Variants in PTPN12 observed in about 807,000 individuals in gnomAD.
The protein encoded by PTPN12 is tyrosine-protein phosphatase non-receptor type 12.
Under a neutral mutation model 97.6 loss-of-function variants are expected in PTPN12, and 29 were observed. That is an observed-to-expected ratio of 0.30 (90% CI 0.22 to 0.41). The LOEUF is 0.41. Ranked by LOEUF, PTPN12 falls within the 10% of genes least tolerant of loss-of-function variation. PTPN12 has a pLI of 1.00. For synonymous variants in PTPN12, 327 were observed against 300.4 expected (o/e 1.09, Z -0.91); for missense variants, 819 against 926.0 (o/e 0.88, Z 1.50).
At chr7:77,574,818 A>G (rs1262874134) in intron 2 of PTPN12, among the ~76,000 whole-genome samples, 1 of 151,762 alleles carries the variant, frequency 6.6e-6, no homozygotes, top group Non-Finnish European at 1.5e-5. Context: ...ATTTCTAGTT[A>G]TTTTGACTTG....
chr7:77,625,472 G>GCTCTCTCTCTCTCT lies in PTPN12; in HGVS notation c.1026-1195_1026-1182dup, dbSNP rs775712037. The stretch of plus-strand genomic sequence containing the variant: ...TTTTGCCATATTGCCCAGGCTGCTC[G>GCTCTCTCTCTCTCT]CTCTCTCTCTCTCTCTCTCTCTCTC... On this transcript the variant is annotated intron_variant, in intron 12 of 17. Coordinates refer to ENST00000248594, the MANE Select transcript of PTPN12 (RefSeq NM_002835.4). 3.1e-3 allele frequency among the ~76,000 whole-genome samples: 103 copies of GCTCTCTCTCTCTCT among 33,486 alleles called. 4 individuals carry two copies. Among genetic ancestry groups the GCTCTCTCTCTCTCT allele is most frequent in the Non-Finnish European group, 3.9e-3 (77 of 19,996 alleles). The allele number at this position is 33,486 out of a possible 152,430, so 22.0% of individuals were successfully genotyped here.
intron 1 of PTPN12, among the ~76,000 whole-genome samples, chr7:77,553,713 G>C (rs746140558): frequency 1.3e-5 from 2 of 152,134 alleles, no homozygotes; most frequent in Non-Finnish European, 2.9e-5. Context: ...ATATAGTTAG[G>C]TCTTGGTTTT....
At chr7:77,569,641 C>T (rs150378141) in intron 1 of PTPN12, among the ~76,000 whole-genome samples, 71 of 152,092 alleles carry the variant, frequency 4.7e-4, no homozygotes, top group African/African-American at 1.6e-3. Context: ...CCTGGTGGCA[C>T]GCATCTGTAA....
intron 12 of PTPN12, among the ~76,000 whole-genome samples, chr7:77,619,810 T>C (rs1788872620): frequency 6.6e-6 from 1 of 152,222 alleles, no homozygotes; most frequent in Admixed American, 6.5e-5. Flanking sequence ...AGAATACCTT[T>C]GCATACTTCT....
intron 11 of PTPN12, among the ~76,000 whole-genome samples, chr7:77,614,846 A>T (rs943826367): frequency 2.6e-5 from 4 of 152,188 alleles, no homozygotes; most frequent in Admixed American, 1.3e-4. Flanking sequence ...CCCACTTACT[A>T]CTTTTCTGAC....
chr7:77,618,854 G>A (rs1788840620), intron 12 of PTPN12, among the ~76,000 whole-genome samples: 1 of 152,122 alleles, frequency 6.6e-6, no homozygotes, highest in Non-Finnish European at 1.5e-5. Flanking sequence ...TTATTCTAAA[G>A]ATTCCCATTT....
chr7:77,537,780 C>T (rs1455635791), intron 1 of PTPN12, 135 bp downstream of exon 1: 10 of 1,012,912 alleles, frequency 9.9e-6, no homozygotes, highest in Non-Finnish European at 1.3e-5. Context: ...GCCGGGTGAG[C>T]CGGGTGGTCT....
intron 11 of PTPN12, among the ~76,000 whole-genome samples, chr7:77,617,769 C>T (rs142700320): frequency 3.3e-5 from 5 of 152,236 alleles, no homozygotes; most frequent in East Asian, 3.9e-4. Flanking sequence ...TTCATTTCAC[C>T]GCTCCCCTAT....
chr7:77,611,720 G>A lies in PTPN12; in HGVS notation c.939+674G>A, dbSNP rs139964101. ...TTGGCCTCCCAGTGTGCAATGTGCT[G>A]GGATTACAGGCATGAGCCAACACTC... On this transcript the variant is annotated intron_variant, in intron 11 of 17. Coordinates refer to ENST00000248594, the MANE Select transcript of PTPN12 (RefSeq NM_002835.4). 2.2e-3 allele frequency among the ~76,000 whole-genome samples: 341 copies of A among 152,330 alleles called. 2 individuals are homozygous for A. The highest frequency in any genetic ancestry group is 0.02 in the Middle Eastern group (6 of 294).
At chr7:77,560,278 G>A (rs1373904373) in intron 1 of PTPN12, among the ~76,000 whole-genome samples, 1 of 152,126 alleles carries the variant, frequency 6.6e-6, no homozygotes, top group Non-Finnish European at 1.5e-5. Flanking sequence ...CACTTTAATG[G>A]CGCTTGCCTG....
rs554274217 is a variant in PTPN12, at chr7:77,537,515, G to A, written c.-32G>A. 11 of 1,539,986 alleles carry A rather than the reference G, an allele frequency of 7.1e-6. No homozygotes were observed. The highest frequency in any genetic ancestry group is 5.7e-5 in the African/African-American group (4 of 70,478). ...TGCCGGGCGGGCGGGCGGCGGGGGG[G>A]CCAGCGACCGCAGCCGGGGGGACGC... On this transcript the variant is annotated 5_prime_UTR_variant, in exon 1 of 18. Transcript: ENST00000248594.
At chr7:77,559,333 T>G (rs1016508565) in intron 1 of PTPN12, among the ~76,000 whole-genome samples, 1 of 152,246 alleles carries the variant, frequency 6.6e-6, no homozygotes, top group African/African-American at 2.4e-5. Context: ...TTAGCTGTGA[T>G]AAATTATAGC....
rs769434917 is a variant in PTPN12, at chr7:77,600,841, A to G, written c.695+35A>G. 2.0e-6 allele frequency: 3 copies of G among 1,517,912 alleles called. No individual in the cohort carries two copies. In the South Asian group the frequency reaches 3.7e-5, roughly 18 times the overall value. The allele number at this position is 1,517,912 out of a possible 1,614,324, so 94.0% of individuals were successfully genotyped here. A position where few individuals can be genotyped will look rare whatever the true frequency, so the allele number is the denominator to read the frequency against. Reference sequence around the variant, plus strand: ...AATTTCCCAAGTTTATAAATACATTATTTAAGTTTGATGTTACACAAGGTT... The same window carrying G: ...AATTTCCCAAGTTTATAAATACATTGTTTAAGTTTGATGTTACACAAGGTT... On this transcript the variant is annotated intron_variant, in intron 8 of 17. Transcript: ENST00000248594.
chr7:77,639,195 G>C (rs760667453), intron 17 of PTPN12, 24 bp from the exon 18 acceptor site: 14 of 1,586,208 alleles, frequency 8.8e-6, no homozygotes, highest in Non-Finnish European at 1.1e-5. Flanking sequence ...ACACTGACTA[G>C]TTATTGTGGT....
At chr7:77,618,458 GA>G in intron 11 of PTPN12, 21 bp from the exon 12 acceptor site, 2 of 1,460,332 alleles carry the variant, frequency 1.4e-6, no homozygotes, top group Non-Finnish European at 1.9e-6. Context: ...TAACCTTAGT[GA>G]AGTATTTTTT....
intron 13 of PTPN12, among the ~76,000 whole-genome samples, chr7:77,631,963 G>T (rs576699443): frequency 9.2e-5 from 14 of 152,308 alleles, no homozygotes. Flanking sequence ...ATTGAATCCT[G>T]TTTGGGAAAC....
At chr7:77,639,005 CCAG>C in intron 17 of PTPN12, 1 of 674,426 alleles carries the variant, frequency 1.5e-6, no homozygotes, top group South Asian at 3.1e-5. Flanking sequence ...GGTTTTATTT[CCAG>C]CATAAGATTT....
chr7:77,599,299 C>A (rs1402088980), intron 7 of PTPN12, among the ~76,000 whole-genome samples: 1 of 148,726 alleles, frequency 6.7e-6, no homozygotes, highest in Non-Finnish European at 1.5e-5. Flanking sequence ...TTAGTTGAAA[C>A]CCCCCACAGC....
intron 1 of PTPN12, among the ~76,000 whole-genome samples, chr7:77,541,357 T>C (rs755213352): frequency 1.3e-4 from 20 of 152,226 alleles, no homozygotes; most frequent in Non-Finnish European, 2.2e-4. Context: ...CTCAAAGTGC[T>C]GGGGTTACAG....
Sources: allele counts gnomAD v4.1 joint callset (sites outside exome capture counted in the v4.1 genomes callset), GRCh38; gene constraint gnomAD v4.1.1; transcripts MANE v1.5; gene names NCBI Gene and HGNC (gene_info 2026-07-23, HGNC 2026-07-21).